The following CACNA1A variants were observed in gnomAD, a reference collection of about 807,000 sequenced individuals.
The protein encoded by CACNA1A is voltage-dependent P/Q-type calcium channel subunit alpha-1A.
CACNA1A carries 57 observed loss-of-function variants against 262.4 expected under a neutral mutation model. The observed-to-expected ratio is 0.22, with a 90% CI of 0.18 to 0.27. CACNA1A has a LOEUF of 0.27. CACNA1A is among the 10% of genes least tolerant of loss of function. The probability of loss-of-function intolerance (pLI) is 1.00; values close to 1 mark genes in which losing one functional copy is unlikely to be tolerated. For synonymous variants in CACNA1A, 1,431 were observed against 1,419.3 expected (o/e 1.01, Z -0.18); for missense variants, 2,526 against 3,562.8 (o/e 0.71, Z 7.41).
chr19:13,483,903 C>T (rs144825515), intron 1 of CACNA1A, among the ~76,000 whole-genome samples: 1 of 152,222 alleles, frequency 6.6e-6, no homozygotes, highest in South Asian at 2.1e-4. Flanking sequence ...GTCAGGCCCA[C>T]TGACCTCACA....
At chr19:13,392,210 CA>C (rs879657397) in intron 3 of CACNA1A, among the ~76,000 whole-genome samples, 2 of 146,636 alleles carry the variant, frequency 1.4e-5, no homozygotes, top group Non-Finnish European at 1.5e-5. Flanking sequence ...AAACTCTGTT[CA>C]AAAAAAAAGA....
chr19:13,366,803 G>T (rs73501134), intron 4 of CACNA1A, among the ~76,000 whole-genome samples: 4,414 of 152,126 alleles, frequency 0.029, 211 homozygotes, highest in African/African-American at 0.1. Context: ...CGCCATATAG[G>T]CTAGTTGCTG....
Position 13,355,885 on chromosome 19 carries a change from T to C in CACNA1A, c.978+3721A>G, listed in dbSNP as rs532522426. ...GTGGCCTTTACCCACTTGATGCCAATAGCATCCTCCTTCTTCCCATCCAGT... is the reference window on the plus strand; with the variant it reads ...GTGGCCTTTACCCACTTGATGCCAACAGCATCCTCCTTCTTCCCATCCAGT... On this transcript the variant is annotated intron_variant, in intron 6 of 46. Transcript: ENST00000360228. Among the ~76,000 whole-genome samples the C allele has an allele frequency of 4.6e-5, 7 of 152,284 alleles. No individual in the cohort carries two copies. In the South Asian group the frequency reaches 8.3e-4, roughly 18 times the overall value.
At chr19:13,273,939 G>T (rs889918708) in intron 24 of CACNA1A, 2 of 150,366 alleles carry the variant, frequency 1.3e-5, no homozygotes, top group East Asian at 2.0e-4. Flanking sequence ...TTAGAGATGG[G>T]GTCTCCCTAT....
chr19:13,332,373 C>T (rs969448696), intron 9 of CACNA1A, among the ~76,000 whole-genome samples: 2 of 151,708 alleles, frequency 1.3e-5, no homozygotes, highest in Non-Finnish European at 2.9e-5. Context: ...GCACTCCAGC[C>T]TGGGTGACAG....
intron 3 of CACNA1A, among the ~76,000 whole-genome samples, chr19:13,374,336 C>T (rs2059370297): frequency 6.6e-6 from 1 of 152,184 alleles, no homozygotes; most frequent in African/African-American, 2.4e-5. Context: ...CAGCCTCAAC[C>T]TCCTGGGCTC....
chr19:13,235,993 C>A, intron 31 of CACNA1A: 2 of 374,518 alleles, frequency 5.3e-6, no homozygotes, highest in Non-Finnish European at 9.5e-6. Flanking sequence ...GCCCCACCCA[C>A]AATGGGGAAA....
At chr19:13,437,774 C>G (rs1320738857) in intron 3 of CACNA1A, among the ~76,000 whole-genome samples, 2 of 151,532 alleles carry the variant, frequency 1.3e-5, no homozygotes, top group Non-Finnish European at 2.9e-5. Flanking sequence ...AGACACCCAA[C>G]CAGCCTGGCC....
intron 10 of CACNA1A, among the ~76,000 whole-genome samples, chr19:13,329,160 G>A (rs2058423422): frequency 6.6e-6 from 1 of 152,122 alleles, no homozygotes; most frequent in African/African-American, 2.4e-5. Flanking sequence ...ATAGGACAGA[G>A]GAGTGAGAAG....
intron 1 of CACNA1A, among the ~76,000 whole-genome samples, chr19:13,466,894 T>TTATA (rs1568675415): frequency 1.3e-5 from 2 of 150,826 alleles, no homozygotes; most frequent in Non-Finnish European, 2.9e-5. Flanking sequence ...ATTTATTTAT[T>TTATA]TATTTATTTA....
intron 1 of CACNA1A, among the ~76,000 whole-genome samples, chr19:13,502,614 G>T (rs1032525976): frequency 1.3e-5 from 2 of 152,166 alleles, no homozygotes; most frequent in Admixed American, 6.5e-5. Context: ...GGTCAAGACG[G>T]CTTGCTGCCT....
intron 1 of CACNA1A, among the ~76,000 whole-genome samples, chr19:13,472,677 G>A (rs1018679696): frequency 6.6e-6 from 1 of 152,072 alleles, no homozygotes; most frequent in Non-Finnish European, 1.5e-5. Context: ...CAACCTTCAG[G>A]TCTTCACTTA....
chr19:13,303,857 C>A lies in CACNA1A; in HGVS notation c.2014G>T (p.Val672Phe). 1 of 1,613,614 alleles carries A rather than the reference C, an allele frequency of 6.2e-7. No homozygotes were observed. Among genetic ancestry groups the A allele is most frequent in the Non-Finnish European group, 8.5e-7 (1 of 1,179,660 alleles). ...TGAGACTTGATCCCGTCGTACATGA[C>A]CTCGTTCCAGTCTTCGCCCGTCAGG... ...QILTGEDWNE[V>F]MYDGIKSQGG... Residue 672 changes from valine (V) to phenylalanine (F), a missense_variant, in exon 16 of 47, where the codon GTC becomes TTC. By Grantham distance (50) the Val-to-Phe change is conservative. Coordinates refer to ENST00000360228, the MANE Select transcript of CACNA1A (RefSeq NM_001127222.2).
chr19:13,488,998 CTTTTCTTTTTTTTTTTTTTT>C (rs1310282613), intron 1 of CACNA1A, among the ~76,000 whole-genome samples: 1 of 102,708 alleles, frequency 9.7e-6, no homozygotes, highest in Admixed American at 9.0e-5. Context: ...AATTTCTTTT[CTTTTCTTTTTTTTTTTTTTT>C]TTTTTTTTTT....
rs1317387633 is a variant in CACNA1A at position 13,299,137 on chromosome 19, G to C, written c.2496C>G (p.Asn832Lys). ...PLVVDPQENRNNNTNKSRAAE... is the reference protein window; with the variant it reads ...PLVVDPQENRKNNTNKSRAAE... ...CCGCCCGGCTCTTGTTGGTGTTGTT[G>C]TTGCGGTTCTCCTGCGGGTCCACCA... Residue 832 changes from asparagine to lysine, a missense_variant, in exon 19 of 47, where the codon AAC becomes AAG. Asn to Lys is a moderately conservative substitution (Grantham distance 94). This residue lies in a region of CACNA1A where 765 missense variants were observed against 748.6 expected (regional missense o/e 1.02). Transcript: ENST00000360228. 6.2e-7 allele frequency: 1 copy of C among 1,613,240 alleles called. No homozygotes were observed.
chr19:13,254,991 A>G, intron 29 of CACNA1A, 104 bp downstream of exon 29: 1 of 1,183,656 alleles, frequency 8.4e-7, no homozygotes, highest in Non-Finnish European at 1.2e-6. Context: ...GGTGATCCAG[A>G]GTGTGGTCTG....
intron 31 of CACNA1A, 120 bp downstream of exon 31, chr19:13,245,062 G>A (rs2056190234): frequency 2.4e-6 from 2 of 833,424 alleles, no homozygotes; most frequent in Non-Finnish European, 4.0e-6. Flanking sequence ...TCATGGCCAA[G>A]TGCTGGCTCA....
chr19:13,506,292 C>CGCCGCCGCT lies in CACNA1A; in HGVS notation c.-77_-69dup, dbSNP rs1027109414. On this transcript the variant is annotated 5_prime_UTR_variant, in exon 1 of 47. Transcript: ENST00000360228. ...ATGCGGAAGACGCCGCCGCCGCCGCCGCCGCCGCTGATGCTGAGGCTGCCG... is the reference window on the plus strand; with the variant it reads ...ATGCGGAAGACGCCGCCGCCGCCGCCGCCGCCGCTGCCGCCGCTGATGCTGAGGCTGCCG... 160 of 1,341,108 alleles carry CGCCGCCGCT rather than the reference C, an allele frequency of 1.2e-4. No individual in the cohort carries two copies. Among genetic ancestry groups the CGCCGCCGCT allele is most frequent in the Middle Eastern group, 5.4e-4 (2 of 3,692 alleles). The allele number at this position is 1,341,108 out of a possible 1,614,324, so 83.1% of individuals were successfully genotyped here.
intron 6 of CACNA1A, among the ~76,000 whole-genome samples, chr19:13,343,964 A>T (rs931992028): frequency 1.3e-5 from 2 of 152,168 alleles, no homozygotes. Context: ...TCATCCCAGC[A>T]CTTTGGGGGG....
Sources: allele counts gnomAD v4.1 joint callset (sites outside exome capture counted in the v4.1 genomes callset), GRCh38; gene constraint gnomAD v4.1.1; regional missense constraint gnomAD v4.1.1; transcripts MANE v1.5; gene names NCBI Gene and HGNC (gene_info 2026-07-23, HGNC 2026-07-21).